The following DDI2 variants were observed in gnomAD, a reference collection of about 807,000 sequenced individuals.
The protein encoded by DDI2 is DDI proteasomal shuttling factor 2.
A neutral mutation model predicts 48.1 loss-of-function variants in DDI2; 5 were observed. That is an observed-to-expected ratio of 0.10 (90% CI 0.05 to 0.22). The LOEUF is 0.22. Among genes scored for constraint, DDI2 ranks in the 10% least tolerant of loss-of-function variants. DDI2 has a pLI of 1.00. For missense variants in DDI2, 285 were observed against 506.2 expected (o/e 0.56, Z 4.19); for synonymous variants, 205 against 183.6 (o/e 1.12, Z -0.94).
In DDI2 at chr1:15,660,171, C is replaced by A. The variant is rs753063594; in HGVS notation, c.*381C>A. ...CAGCTATGCCTATGCAGAATTCATC[C>A]GAAGAAATAACTGTTGCAGGTAATC... is the stretch of plus-strand genomic sequence containing the variant. On this transcript the variant is annotated 3_prime_UTR_variant, in exon 10 of 10. Transcript: ENST00000480945. The A allele has an allele frequency of 6.2e-7, 1 of 1,614,172 alleles. No individual in the cohort carries two copies. Among genetic ancestry groups the A allele is most frequent in the South Asian group, 1.1e-5 (1 of 91,084 alleles).
intron 7 of DDI2, among the ~76,000 whole-genome samples, chr1:15,650,527 T>C (rs1640161062): frequency 1.3e-5 from 2 of 152,074 alleles, no homozygotes. Context: ...GGAGGATTGC[T>C]TGAGGCCAGA....
intron 1 of DDI2, among the ~76,000 whole-genome samples, chr1:15,620,609 G>A (rs192763353): frequency 6.6e-6 from 1 of 151,896 alleles, no homozygotes; most frequent in Admixed American, 6.6e-5. Context: ...CTGCCACTAT[G>A]TGTCCACACC....
chr1:15,618,021 G>A (rs971294701), intron 1 of DDI2, among the ~76,000 whole-genome samples: 4 of 152,242 alleles, frequency 2.6e-5, no homozygotes, highest in Non-Finnish European at 5.9e-5. Flanking sequence ...ACGAGGAGAG[G>A]GAGCGGAGAA....
At position 15,621,110 on chromosome 1, in the gene DDI2, C is replaced by T. The variant is rs116679567; in HGVS notation, c.138+3302C>T. 8.7e-3 allele frequency among the ~76,000 whole-genome samples: 1,332 copies of T among 152,274 alleles called. 19 individuals are homozygous for T. The highest frequency in any genetic ancestry group is 0.029 in the African/African-American group (1,220 of 41,532). On this transcript the variant is annotated intron_variant, in intron 1 of 9. Coordinates refer to ENST00000480945, the MANE Select transcript of DDI2 (RefSeq NM_032341.5). ...GTGATTAAAGCTGGGCATGTTCTGTCTCTTAATAGAAGTGTGGGCTTGGAA... is the reference window on the plus strand; with the variant it reads ...GTGATTAAAGCTGGGCATGTTCTGTTTCTTAATAGAAGTGTGGGCTTGGAA...
rs1281193903 is a variant in DDI2, at chr1:15,617,518, C to G, written c.-153C>G. ...TGCTAGTGAGGGCGGGAGGGAGTGA[C>G]TCACTGAGCGTGTGTGAGGGAGGGA... On this transcript the variant is annotated 5_prime_UTR_variant, in exon 1 of 10. Transcript: ENST00000480945. The G allele has an allele frequency of 2.0e-6, 1 of 490,582 alleles. No individual in the cohort carries two copies. Among genetic ancestry groups the G allele is most frequent in the Non-Finnish European group, 3.1e-6 (1 of 318,138 alleles). The allele number at this position is 490,582 out of a possible 1,614,324, so 30.4% of individuals were successfully genotyped here. A position where few individuals can be genotyped will look rare whatever the true frequency, so the allele number is the denominator to read the frequency against.
intron 8 of DDI2, 131 bp downstream of exon 8, chr1:15,652,026 A>ATTTGTC (rs1375138536): frequency 9.8e-5 from 36 of 366,810 alleles, no homozygotes; most frequent in Non-Finnish European, 1.2e-4. Context: ...TGTGTTCATT[A>ATTTGTC]TTTGTCTTCT....
At chr1:15,654,972 T>C (rs1005474616) in intron 8 of DDI2, among the ~76,000 whole-genome samples, 2 of 151,748 alleles carry the variant, frequency 1.3e-5, no homozygotes, top group Non-Finnish European at 2.9e-5. Context: ...TCCACAGTCT[T>C]GGTGCCATTA....
Position 15,660,815 on chromosome 1 carries a change from A to T in DDI2, c.*1025A>T. 1 of 1,614,150 alleles carries T rather than the reference A, an allele frequency of 6.2e-7. No individual in the cohort carries two copies. The highest frequency in any genetic ancestry group is 1.1e-5 in the South Asian group (1 of 91,066). ...CAGGATTTACAGCCCCCAGAAACTAATGTTGAAATACCTGGAACAAATAAA... is the reference window on the plus strand; with the variant it reads ...CAGGATTTACAGCCCCCAGAAACTATTGTTGAAATACCTGGAACAAATAAA... On this transcript the variant is annotated 3_prime_UTR_variant, in exon 10 of 10. Transcript: ENST00000480945.
At chr1:15,628,424 A>G (rs1639791263) in intron 2 of DDI2, among the ~76,000 whole-genome samples, 1 of 152,242 alleles carries the variant, frequency 6.6e-6, no homozygotes, top group Non-Finnish European at 1.5e-5. Flanking sequence ...AGGCTTCAGG[A>G]TAGTCCCAGA....
intron 3 of DDI2, among the ~76,000 whole-genome samples, chr1:15,632,835 A>G (rs1212329484): frequency 6.6e-6 from 1 of 151,442 alleles, no homozygotes; most frequent in Admixed American, 6.6e-5. Flanking sequence ...ACTCCCCACC[A>G]TTTTAAATTG....
At chr1:15,645,323 G>A (rs773519266) in intron 6 of DDI2, among the ~76,000 whole-genome samples, 14 of 152,166 alleles carry the variant, frequency 9.2e-5, no homozygotes, top group Non-Finnish European at 1.6e-4. Context: ...CAGTCTAGAC[G>A]CTCACATCCC....
Position 15,627,107 on chromosome 1 carries a change from A to G in DDI2, c.268+309A>G, listed in dbSNP as rs537399567. The G allele has an allele frequency of 4.5e-5, 12 of 265,468 alleles. No individual in the cohort carries two copies. In the East Asian group the frequency reaches 9.6e-4, roughly 21 times the overall value. 16.4% of individuals were successfully genotyped at this position (265,468 alleles called of 1,614,324 possible). A position where few individuals can be genotyped will look rare whatever the true frequency, so the allele number is the denominator to read the frequency against. On this transcript the variant is annotated intron_variant, in intron 2 of 9. Transcript: ENST00000480945. Reference sequence around the variant, plus strand: ...TGTTATCAGTGATAATTATACAATAATCTTTATCCTTGGGAAGGACTTGAA... The same window carrying G: ...TGTTATCAGTGATAATTATACAATAGTCTTTATCCTTGGGAAGGACTTGAA...
Position 15,661,455 on chromosome 1 carries a change from G to A in DDI2, c.*1665G>A. ...TTAAAGACTTAGGTCAGGGCATACA[G>A]AATTCAGTAACAGACAGGCCTGAAA... On this transcript the variant is annotated 3_prime_UTR_variant, in exon 10 of 10. Coordinates refer to ENST00000480945, the MANE Select transcript of DDI2 (RefSeq NM_032341.5). 1 of 1,614,030 alleles carries A rather than the reference G, an allele frequency of 6.2e-7. No homozygotes were observed.
intron 6 of DDI2, among the ~76,000 whole-genome samples, chr1:15,644,578 GTTTTTTTTGTTTTTT>G (rs1218391257): frequency 2.7e-5 from 3 of 110,144 alleles, no homozygotes; most frequent in African/African-American, 1.1e-4. Flanking sequence ...TTTCTTTTCA[GTTTTTTTTGTTTTTT>G]TTTTTTTTTT....
At chr1:15,653,778 C>T (rs1232933174) in intron 8 of DDI2, among the ~76,000 whole-genome samples, 1 of 152,086 alleles carries the variant, frequency 6.6e-6, no homozygotes, top group Non-Finnish European at 1.5e-5. Flanking sequence ...ATTATAGGAA[C>T]GAGACACCAT....
rs188137522 is a variant in DDI2 at position 15,650,841 on chromosome 1, G to A, written c.994-865G>A. ...TGCATCATATTGATAATAAGACACA[G>A]CATTCTATTTATTTATTTATTTATT... On this transcript the variant is annotated intron_variant, in intron 7 of 9. Coordinates refer to ENST00000480945, the MANE Select transcript of DDI2 (RefSeq NM_032341.5). 3.7e-4 allele frequency among the ~76,000 whole-genome samples: 57 copies of A among 152,070 alleles called. 1 individual carries two copies. The highest frequency in any genetic ancestry group is 1.3e-3 in the African/African-American group (54 of 41,464).
intron 5 of DDI2, among the ~76,000 whole-genome samples, chr1:15,641,702 C>T (rs953035162): frequency 3.9e-5 from 6 of 151,996 alleles, no homozygotes; most frequent in Non-Finnish European, 5.9e-5. Context: ...AACCTGTAAT[C>T]CCAGCACTTT....
intron 9 of DDI2, among the ~76,000 whole-genome samples, chr1:15,657,982 T>C (rs1461433792): frequency 6.6e-6 from 1 of 152,190 alleles, no homozygotes; most frequent in Non-Finnish European, 1.5e-5. Flanking sequence ...AGTAGTTTAT[T>C]AGAATGATTT....
intron 1 of DDI2, among the ~76,000 whole-genome samples, chr1:15,623,002 CAA>C (rs1336182123): frequency 3.9e-5 from 6 of 152,146 alleles, no homozygotes; most frequent in African/African-American, 1.4e-4. Context: ...TAGACATGCT[CAA>C]TGTGGTGGTT....
Sources: allele counts gnomAD v4.1 joint callset (sites outside exome capture counted in the v4.1 genomes callset), GRCh38; gene constraint gnomAD v4.1.1; transcripts MANE v1.5; gene names NCBI Gene and HGNC (gene_info 2026-07-23, HGNC 2026-07-21).